The following SEC22A variants were observed in gnomAD, a reference collection of about 807,000 sequenced individuals.
The protein encoded by SEC22A is vesicle-trafficking protein SEC22a.
A neutral mutation model predicts 35.3 loss-of-function variants in SEC22A; 22 were observed. That is an observed-to-expected ratio of 0.62 (90% CI 0.45 to 0.89). SEC22A has a LOEUF of 0.89. Among genes scored for constraint, SEC22A ranks in the 40% least tolerant of loss-of-function variants. The pLI is 0.00. For missense variants in SEC22A, 354 were observed against 362.5 expected, an observed-to-expected ratio of 0.98 and a Z score of 0.19; for synonymous variants, 119 against 129.5, an observed-to-expected ratio of 0.92 and a Z score of 0.55.
chr3:123,251,127 C>T (rs1269350861), intron 5 of SEC22A, among the ~76,000 whole-genome samples: 1 of 152,122 alleles, frequency 6.6e-6, no homozygotes, highest in African/African-American at 2.4e-5. Flanking sequence ...GAATATTTTG[C>T]AGGGCATTGC....
At chr3:123,243,659 C>A (rs986061364) in intron 4 of SEC22A, among the ~76,000 whole-genome samples, 2 of 152,168 alleles carry the variant, frequency 1.3e-5, no homozygotes, top group East Asian at 3.9e-4. Context: ...GCCTTGAGGG[C>A]AGAATATGTA....
chr3:123,255,002 T>G (rs1315576374), intron 5 of SEC22A, among the ~76,000 whole-genome samples: 1 of 152,068 alleles, frequency 6.6e-6, no homozygotes, highest in African/African-American at 2.4e-5. Context: ...TCTGCTCCTG[T>G]AATTCTCTCA....
chr3:123,264,217 C>T (rs60975103), intron 6 of SEC22A, among the ~76,000 whole-genome samples: 7,123 of 152,262 alleles, frequency 0.047, 256 homozygotes, highest in African/African-American at 0.1. Flanking sequence ...GCTTCATTTA[C>T]TTATTGAAGG....
chr3:123,261,394 A>G (rs911302291), intron 6 of SEC22A, among the ~76,000 whole-genome samples: 2 of 152,242 alleles, frequency 1.3e-5, no homozygotes, highest in Non-Finnish European at 2.9e-5. Context: ...CTGAGATCAC[A>G]TAATCAGAAA....
At chr3:123,225,019 A>G in intron 3 of SEC22A, 84 bp from the exon 4 acceptor site, 1 of 842,350 alleles carries the variant, frequency 1.2e-6, no homozygotes, top group South Asian at 1.9e-5. Context: ...AACTACCTGT[A>G]ATATTTACTA....
At chr3:123,265,206 A>G (rs1273443115) in intron 6 of SEC22A, among the ~76,000 whole-genome samples, 1 of 152,194 alleles carries the variant, frequency 6.6e-6, no homozygotes, top group Non-Finnish European at 1.5e-5. Flanking sequence ...ATACAAGAGG[A>G]TGTGCATAAG....
At chr3:123,218,486 G>A (rs1264534516) in intron 2 of SEC22A, among the ~76,000 whole-genome samples, 10 of 152,142 alleles carry the variant, frequency 6.6e-5, no homozygotes, top group South Asian at 6.2e-4. Flanking sequence ...CTGTGTGTGA[G>A]TAATGACAGT....
chr3:123,262,478 C>CT (rs140870923), intron 6 of SEC22A, among the ~76,000 whole-genome samples: 1 of 152,162 alleles, frequency 6.6e-6, no homozygotes, highest in Non-Finnish European at 1.5e-5. Context: ...CGACTTGGAA[C>CT]TTTTTTTACT....
intron 5 of SEC22A, among the ~76,000 whole-genome samples, chr3:123,257,048 C>A (rs559956456): frequency 6.6e-6 from 1 of 151,952 alleles, no homozygotes; most frequent in African/African-American, 2.4e-5. Context: ...CATGAGCCAC[C>A]GCCCTGGCTG....
intron 6 of SEC22A, among the ~76,000 whole-genome samples, chr3:123,267,075 T>C (rs1417620046): frequency 6.6e-6 from 1 of 152,146 alleles, no homozygotes; most frequent in Non-Finnish European, 1.5e-5. Flanking sequence ...TAGCCACTTT[T>C]GCTTTCTTTT....
chr3:123,207,053 A>G (rs1370507598), intron 1 of SEC22A, among the ~76,000 whole-genome samples: 1 of 152,110 alleles, frequency 6.6e-6, no homozygotes. Flanking sequence ...GCACCACTAC[A>G]CTCGTCTGGG....
intron 6 of SEC22A, among the ~76,000 whole-genome samples, chr3:123,262,222 A>G (rs193007460): frequency 6.6e-6 from 1 of 152,208 alleles, no homozygotes; most frequent in African/African-American, 2.4e-5. Flanking sequence ...GCAGGTGCTT[A>G]TGGAAGCCCA....
At chr3:123,231,058 A>G (rs1374814012) in intron 4 of SEC22A, among the ~76,000 whole-genome samples, 2 of 152,212 alleles carry the variant, frequency 1.3e-5, no homozygotes, top group East Asian at 1.9e-4. Flanking sequence ...AAACATTGGT[A>G]TGAGAGGTAA....
intron 5 of SEC22A, among the ~76,000 whole-genome samples, chr3:123,259,041 A>G (rs1937814939): frequency 6.6e-6 from 1 of 152,328 alleles, no homozygotes; most frequent in Admixed American, 6.5e-5. Flanking sequence ...TCTAGTGGAC[A>G]GTAGCTTTTC....
chr3:123,251,539 C>T (rs1937613563), intron 5 of SEC22A, among the ~76,000 whole-genome samples: 1 of 152,154 alleles, frequency 6.6e-6, no homozygotes, highest in Non-Finnish European at 1.5e-5. Context: ...CCATAACCCA[C>T]CTGAAGTATT....
At chr3:123,211,344 A>G (rs377750377) in intron 2 of SEC22A, among the ~76,000 whole-genome samples, 2 of 152,290 alleles carry the variant, frequency 1.3e-5, no homozygotes, top group Admixed American at 6.5e-5. Flanking sequence ...AGGAAGGGGC[A>G]AAGATGACTG....
chr3:123,248,676 C>G (rs1398036707), intron 5 of SEC22A, among the ~76,000 whole-genome samples: 1 of 152,158 alleles, frequency 6.6e-6, no homozygotes, highest in Non-Finnish European at 1.5e-5. Context: ...TCTATAGATT[C>G]AATACAGTCC....
chr3:123,227,142 A>G (rs1039996725), intron 4 of SEC22A, among the ~76,000 whole-genome samples: 1 of 152,176 alleles, frequency 6.6e-6, no homozygotes, highest in African/African-American at 2.4e-5. Flanking sequence ...GCTTAAAATG[A>G]ACACCTCATT....
intron 1 of SEC22A, among the ~76,000 whole-genome samples, chr3:123,207,861 T>C (rs934754779): frequency 3.9e-5 from 6 of 152,204 alleles, no homozygotes; most frequent in African/African-American, 9.6e-5. Context: ...AGATTTACTT[T>C]CTGGTAAAAA....
Sources: allele counts gnomAD v4.1 joint callset (sites outside exome capture counted in the v4.1 genomes callset), GRCh38; gene constraint gnomAD v4.1.1; transcripts MANE v1.5; gene names NCBI Gene and HGNC (gene_info 2026-07-23, HGNC 2026-07-21).